Variants in AGMO observed in about 807,000 individuals in gnomAD.
The protein encoded by AGMO is glyceryl-ether monooxygenase.
AGMO carries 75 observed loss-of-function variants against 60.2 expected under a neutral mutation model. That is an observed-to-expected ratio of 1.25 (90% CI 1.03 to 1.51). The LOEUF is 1.51. Among genes scored for constraint, AGMO ranks in the 40% most tolerant of loss-of-function variants. AGMO has a pLI of 0.00. For missense variants in AGMO, 763 were observed against 525.5 expected (o/e 1.45, Z -4.42); for synonymous variants, 261 against 177.1 (o/e 1.47, Z -3.76).
chr7:15,370,087 A>G (rs1370576854), intron 10 of AGMO, among the ~76,000 whole-genome samples: 1 of 151,938 alleles, frequency 6.6e-6, no homozygotes, highest in African/African-American at 2.4e-5. Flanking sequence ...CCCAGTGTCT[A>G]TTGTTGTCAT....
intron 3 of AGMO, among the ~76,000 whole-genome samples, chr7:15,516,813 G>A (rs558714293): frequency 7.3e-5 from 11 of 151,454 alleles, no homozygotes; most frequent in South Asian, 4.2e-4. Flanking sequence ...GCAGGATATC[G>A]GTGAGTATAA....
chr7:15,495,373 T>G (rs930810198), intron 3 of AGMO, among the ~76,000 whole-genome samples: 10 of 152,292 alleles, frequency 6.6e-5, no homozygotes, highest in African/African-American at 2.4e-4. Flanking sequence ...GTTTCAGAGA[T>G]AATTCAGTCC....
rs1781256977 is a variant in AGMO at position 15,200,806 on chromosome 7, T to G, written c.*479A>C. ...CCGCGCCTGGCCTCAGTGATGTCTT[T>G]TTCTGGAATGCAGCTTCTTAGGTTA... On this transcript the variant is annotated 3_prime_UTR_variant, in exon 13 of 13. Coordinates refer to ENST00000342526, the MANE Select transcript of AGMO (RefSeq NM_001004320.2). 1 of 152,796 alleles carries G rather than the reference T, an allele frequency of 6.5e-6. No individual in the cohort carries two copies. The highest frequency in any genetic ancestry group is 2.4e-5 in the African/African-American group (1 of 41,466). The allele number at this position is 152,796 out of a possible 1,614,324, so 9.5% of individuals were successfully genotyped here.
chr7:15,441,717 A>G (rs936205196), intron 3 of AGMO, among the ~76,000 whole-genome samples: 1 of 152,154 alleles, frequency 6.6e-6, no homozygotes, highest in African/African-American at 2.4e-5. Flanking sequence ...ATTTGGAACA[A>G]TGCTTTCTAT....
chr7:15,457,880 T>A (rs977447673), intron 3 of AGMO, among the ~76,000 whole-genome samples: 7 of 152,124 alleles, frequency 4.6e-5, no homozygotes, highest in Non-Finnish European at 1.0e-4. Context: ...TACAGACACA[T>A]GTGTTGAATA....
At chr7:15,299,214 T>C (rs1784486929) in intron 12 of AGMO, among the ~76,000 whole-genome samples, 1 of 152,012 alleles carries the variant, frequency 6.6e-6, no homozygotes. Context: ...AGTTATCTCA[T>C]CTGTATAATA....
intron 12 of AGMO, among the ~76,000 whole-genome samples, chr7:15,310,967 C>A (rs897681303): frequency 6.6e-6 from 1 of 152,036 alleles, no homozygotes; most frequent in Admixed American, 6.6e-5. Flanking sequence ...GACTCTCCCG[C>A]CTCCCTCTTC....
intron 6 of AGMO, 51 bp downstream of exon 6, chr7:15,394,062 T>C (rs372277184): frequency 3.0e-6 from 4 of 1,351,828 alleles, no homozygotes; most frequent in Non-Finnish European, 4.2e-6. Flanking sequence ...AAAATAATAA[T>C]GCAATTTTTA....
At position 15,216,833 on chromosome 7, in the gene AGMO, A is replaced by AGTGTGTGTGTGTGT. The variant is rs1181410197; in HGVS notation, c.1264-15488_1264-15475dup. Among the ~76,000 whole-genome samples the AGTGTGTGTGTGTGT allele has an allele frequency of 1.8e-3, 267 of 147,100 alleles. 1 individual carries two copies. Among genetic ancestry groups the AGTGTGTGTGTGTGT allele is most frequent in the African/African-American group, 5.4e-3 (215 of 40,124 alleles). The stretch of plus-strand genomic sequence containing the variant: ...GTGCAAGAAACAAAGTGAAAGAAAA[A>AGTGTGTGTGTGTGT]GTGTGTGTGTGTGTGTGTGTGTGTG... On this transcript the variant is annotated intron_variant, in intron 12 of 12. Coordinates refer to ENST00000342526, the MANE Select transcript of AGMO (RefSeq NM_001004320.2).
At chr7:15,392,675 T>C (rs897715405) in intron 6 of AGMO, among the ~76,000 whole-genome samples, 1 of 152,002 alleles carries the variant, frequency 6.6e-6, no homozygotes, top group Non-Finnish European at 1.5e-5. Context: ...GGCTGGCACC[T>C]GTAATCCAAG....
chr7:15,460,285 C>A (rs374009318), intron 3 of AGMO, among the ~76,000 whole-genome samples: 1 of 151,812 alleles, frequency 6.6e-6, no homozygotes, highest in African/African-American at 2.4e-5. Context: ...GATGGGGTTT[C>A]GCCATGTTGG....
At chr7:15,155,377 G>A in the AGMO span, among the ~76,000 whole-genome samples, 3 of 136,708 alleles carry the variant, frequency 2.2e-5, no homozygotes, top group African/African-American at 8.4e-5. Flanking sequence ...CCTCAGGTTG[G>A]TCTATTCTAT....
At chr7:15,376,361 G>T (rs952367966) in intron 10 of AGMO, among the ~76,000 whole-genome samples, 1 of 146,842 alleles carries the variant, frequency 6.8e-6, no homozygotes, top group Non-Finnish European at 1.5e-5. Flanking sequence ...TGTAAGAGTC[G>T]ACCAAAATAT....
At chr7:15,324,964 G>C (rs1214929083) in intron 12 of AGMO, among the ~76,000 whole-genome samples, 2 of 151,954 alleles carry the variant, frequency 1.3e-5, no homozygotes, top group African/African-American at 2.4e-5. Context: ...GTGAATCTCT[G>C]TAGGCCACTC....
intron 3 of AGMO, among the ~76,000 whole-genome samples, chr7:15,448,351 T>G (rs924295986): frequency 1.3e-5 from 2 of 152,176 alleles, no homozygotes. Flanking sequence ...GAGTTTACAA[T>G]GAGAAGATGG....
intron 3 of AGMO, among the ~76,000 whole-genome samples, chr7:15,491,082 G>T (rs551276800): frequency 6.6e-6 from 1 of 152,216 alleles, no homozygotes; most frequent in Non-Finnish European, 1.5e-5. Flanking sequence ...TAAATTAAAT[G>T]GAATTACATT....
Position 15,322,981 on chromosome 7 carries a change from A to ATT in AGMO, c.1263+42531_1263+42532dup, listed in dbSNP as rs146681446. ...AACACGTGTGTGTATATATATATGT[A>ATT]TTTATTTTTTATTTTTTCCTGTATC... On this transcript the variant is annotated intron_variant, in intron 12 of 12. Coordinates refer to ENST00000342526, the MANE Select transcript of AGMO (RefSeq NM_001004320.2). Among the ~76,000 whole-genome samples, 153 of 146,406 alleles carry ATT rather than the reference A, an allele frequency of 1.0e-3. 1 individual carries two copies. Among genetic ancestry groups the ATT allele is most frequent in the African/African-American group, 3.6e-3 (143 of 39,888 alleles).
chr7:15,561,651 G>A (rs1447637648), intron 1 of AGMO, 69 bp downstream of exon 1: 3 of 1,401,754 alleles, frequency 2.1e-6, no homozygotes, highest in Non-Finnish European at 2.9e-6. Context: ...AAAACCCTAA[G>A]GAGATTGACC....
At chr7:15,446,423 T>C (rs538356131) in intron 3 of AGMO, among the ~76,000 whole-genome samples, 1 of 152,342 alleles carries the variant, frequency 6.6e-6, no homozygotes, top group African/African-American at 2.4e-5. Flanking sequence ...TCTCCTGGTA[T>C]TGCAGAGTTG....
Sources: allele counts gnomAD v4.1 joint callset (sites outside exome capture counted in the v4.1 genomes callset), GRCh38; gene constraint gnomAD v4.1.1; transcripts MANE v1.5; gene names NCBI Gene and HGNC (gene_info 2026-07-23, HGNC 2026-07-21).